The following TRUB1 variants were observed in gnomAD, a reference collection of about 807,000 sequenced individuals.
The protein encoded by TRUB1 is TruB pseudouridine synthase family member 1.
A neutral mutation model predicts 33.9 loss-of-function variants in TRUB1; 23 were observed. The observed-to-expected ratio is 0.68, with a 90% CI of 0.49 to 0.96. The LOEUF (loss-of-function observed/expected upper bound fraction) is 0.96. Among genes scored for constraint, TRUB1 ranks in the 40% least tolerant of loss-of-function variants. TRUB1 has a pLI of 0.00. For missense variants in TRUB1, 378 were observed against 422.2 expected, an observed-to-expected ratio of 0.90 and a Z score of 0.92; for synonymous variants, 163 against 165.4, an observed-to-expected ratio of 0.99 and a Z score of 0.11.
intron 2 of TRUB1, among the ~76,000 whole-genome samples, chr10:114,949,779 C>T (rs975417301): frequency 2.0e-5 from 3 of 151,888 alleles, no homozygotes; most frequent in Non-Finnish European, 4.4e-5. Flanking sequence ...GTTCTTAGAC[C>T]ATTTGGTTTG....
intron 2 of TRUB1, among the ~76,000 whole-genome samples, chr10:114,943,998 A>G (rs1446254299): frequency 1.5e-5 from 2 of 135,868 alleles, no homozygotes; most frequent in Non-Finnish European, 3.1e-5. Context: ...TTTTTATTCC[A>G]TCTTTTTTTT....
Position 114,977,546 on chromosome 10 carries a change from T to G in TRUB1, c.*2167T>G, listed in dbSNP as rs1346934056. Reference sequence around the variant, plus strand: ...ACATTTTACAGTGTTACCATTTGAGTAGGGGTTTTATATGTTGTTGCTAAT... The same window carrying G: ...ACATTTTACAGTGTTACCATTTGAGGAGGGGTTTTATATGTTGTTGCTAAT... On this transcript the variant is annotated 3_prime_UTR_variant, in exon 8 of 8. Coordinates refer to ENST00000298746, the MANE Select transcript of TRUB1 (RefSeq NM_139169.5). 1 of 151,988 alleles carries G rather than the reference T, an allele frequency of 6.6e-6. No homozygotes were observed. The highest frequency in any genetic ancestry group is 1.5e-5 in the Non-Finnish European group (1 of 67,914). 9.4% of individuals were successfully genotyped at this position (151,988 alleles called of 1,614,324 possible). A position where few individuals can be genotyped will look rare whatever the true frequency, so the allele number is the denominator to read the frequency against.
intron 2 of TRUB1, 128 bp downstream of exon 2, chr10:114,942,871 G>T: frequency 6.3e-6 from 4 of 639,790 alleles, no homozygotes; most frequent in Non-Finnish European, 1.1e-5. Flanking sequence ...CAGATCTACT[G>T]GATATATATA....
intron 2 of TRUB1, among the ~76,000 whole-genome samples, 191 bp from the exon 3 acceptor site, chr10:114,950,900 CCTT>C (rs1356595917): frequency 6.6e-6 from 1 of 152,122 alleles, no homozygotes. Flanking sequence ...TTCTCTTGTC[CCTT>C]CTTTAGAATT....
chr10:114,949,948 G>C (rs1436950301), intron 2 of TRUB1, among the ~76,000 whole-genome samples: 1 of 148,918 alleles, frequency 6.7e-6, no homozygotes, highest in Non-Finnish European at 1.5e-5. Flanking sequence ...ACCCAGGCTG[G>C]AGTGCAATGG....
At chr10:114,955,376 T>C (rs2084257278) in intron 3 of TRUB1, among the ~76,000 whole-genome samples, 1 of 152,208 alleles carries the variant, frequency 6.6e-6, no homozygotes, top group Admixed American at 6.5e-5. Context: ...TAGTTTTCTA[T>C]ATTGTTGATC....
intron 3 of TRUB1, among the ~76,000 whole-genome samples, chr10:114,957,417 T>G (rs2084266241): frequency 1.3e-5 from 2 of 152,252 alleles, no homozygotes; most frequent in Non-Finnish European, 2.9e-5. Flanking sequence ...ATCTATCTTA[T>G]GTATCTGTGT....
chr10:114,957,407 A>G (rs911507578), intron 3 of TRUB1, among the ~76,000 whole-genome samples: 1 of 152,202 alleles, frequency 6.6e-6, no homozygotes, highest in African/African-American at 2.4e-5. Flanking sequence ...AGGGAGAGCA[A>G]TCTATCTTAT....
At chr10:114,968,756 C>T (rs946103500) in intron 4 of TRUB1, among the ~76,000 whole-genome samples, 2 of 152,178 alleles carry the variant, frequency 1.3e-5, no homozygotes, top group African/African-American at 2.4e-5. Flanking sequence ...CAAGGTCATA[C>T]TGAGGTTAAA....
At chr10:114,966,055 T>C (rs1247011599) in intron 4 of TRUB1, among the ~76,000 whole-genome samples, 5 of 152,102 alleles carry the variant, frequency 3.3e-5, no homozygotes, top group African/African-American at 7.2e-5. Context: ...ATTTAAAATA[T>C]ATAATTTTAA....
chr10:114,959,060 C>T (rs1564699865), intron 3 of TRUB1, among the ~76,000 whole-genome samples: 1 of 152,116 alleles, frequency 6.6e-6, no homozygotes, highest in African/African-American at 2.4e-5. Context: ...CGCTTGAACC[C>T]GGGGGACGGA....
rs2084350418 is a variant in TRUB1 at position 114,974,327 on chromosome 10, A to T, written c.737-2A>T. On this transcript the variant is annotated splice_acceptor_variant, in intron 6 of 7. Transcript: ENST00000298746. LOFTEE classifies it high-confidence loss of function. The stretch of plus-strand genomic sequence containing the variant: ...TTTACTATGTCACTGTTAACATTCC[A>T]GATGTTGAATGTGGAGGAGGTTTTT... 2 of 1,611,940 alleles carry T rather than the reference A, an allele frequency of 1.2e-6. No individual in the cohort carries two copies. The highest frequency in any genetic ancestry group is 3.3e-5 in the Admixed American group (2 of 59,900).
intron 5 of TRUB1, 115 bp from the exon 6 acceptor site, chr10:114,972,020 G>A (rs748265469): frequency 1.7e-6 from 2 of 1,176,322 alleles, no homozygotes; most frequent in Non-Finnish European, 2.4e-6. Context: ...GTGAAGCACT[G>A]CCAGTCATCC....
Position 114,973,870 on chromosome 10 carries a change from T to C in TRUB1, c.737-459T>C, listed in dbSNP as rs112879126. On this transcript the variant is annotated intron_variant, in intron 6 of 7. Coordinates refer to ENST00000298746, the MANE Select transcript of TRUB1 (RefSeq NM_139169.5). ...GGTTTTTGGTTGGTTGGTTGGTTGG[T>C]TGTATTTTTTTTGAATGTACAAGTC... Among the ~76,000 whole-genome samples the C allele has an allele frequency of 9.9e-3, 1,503 of 152,250 alleles. 25 individuals are homozygous for C. Among genetic ancestry groups the C allele is most frequent in the African/African-American group, 0.034 (1,398 of 41,558 alleles).
intron 7 of TRUB1, among the ~76,000 whole-genome samples, chr10:114,974,851 T>C (rs1019075397): frequency 1.8e-4 from 28 of 152,144 alleles, no homozygotes; most frequent in Admixed American, 1.8e-3. Flanking sequence ...CGGCTAATCT[T>C]TACTCCATGG....
intron 6 of TRUB1, among the ~76,000 whole-genome samples, chr10:114,972,964 G>A (rs1186830675): frequency 6.6e-6 from 1 of 152,152 alleles, no homozygotes; most frequent in Non-Finnish European, 1.5e-5. Flanking sequence ...AGAATCCAAA[G>A]CCGTGGTTCT....
Position 114,975,109 on chromosome 10 carries a change from T to G in TRUB1, c.794-14T>G. The G allele has an allele frequency of 6.3e-7, 1 of 1,592,278 alleles. No individual in the cohort carries two copies. Among genetic ancestry groups the G allele is most frequent in the Non-Finnish European group, 8.5e-7 (1 of 1,170,396 alleles). Reference sequence around the variant, plus strand: ...TTATCTTCTGGATTTTTTTTCTACCTTTTGTTGCCATAGAACTATCTTCCT... The same window carrying G: ...TTATCTTCTGGATTTTTTTTCTACCGTTTGTTGCCATAGAACTATCTTCCT... On this transcript the variant is annotated splice_polypyrimidine_tract_variant and intron_variant, in intron 7 of 7. Coordinates refer to ENST00000298746, the MANE Select transcript of TRUB1 (RefSeq NM_139169.5).
intron 4 of TRUB1, among the ~76,000 whole-genome samples, chr10:114,964,832 A>G (rs2084300055): frequency 1.3e-5 from 2 of 152,020 alleles, no homozygotes; most frequent in African/African-American, 4.8e-5. Flanking sequence ...ATACTTGTAT[A>G]TACACCAGAC....
intron 4 of TRUB1, chr10:114,969,534 G>A (rs2084325822): frequency 6.6e-6 from 1 of 151,742 alleles, no homozygotes; most frequent in Non-Finnish European, 1.5e-5. Flanking sequence ...CTTTAATATT[G>A]CATCATTTTG....
Sources: allele counts gnomAD v4.1 joint callset (sites outside exome capture counted in the v4.1 genomes callset), GRCh38; gene constraint gnomAD v4.1.1; transcripts MANE v1.5; gene names NCBI Gene and HGNC (gene_info 2026-07-23, HGNC 2026-07-21).